The following NAALADL2 variants were observed in gnomAD, a reference collection of about 807,000 sequenced individuals.
The protein encoded by NAALADL2 is inactive N-acetylated-alpha-linked acidic dipeptidase-like protein 2.
A neutral mutation model predicts 87.2 loss-of-function variants in NAALADL2; 76 were observed. That is an observed-to-expected ratio of 0.87 (90% CI 0.72 to 1.05). NAALADL2 has a LOEUF of 1.05. NAALADL2 is among the 50% of genes least tolerant of loss of function. The pLI, the probability that NAALADL2 is intolerant of heterozygous loss-of-function variation, is 0.00. For missense variants in NAALADL2, 1,089 were observed against 945.8 expected (o/e 1.15, Z -1.99); for synonymous variants, 354 against 331.0 (o/e 1.07, Z -0.75).
chr3:174,917,747 C>CT (rs1734604205), intron 1 of NAALADL2, among the ~76,000 whole-genome samples: 3 of 143,746 alleles, frequency 2.1e-5, no homozygotes, highest in Non-Finnish European at 4.6e-5. Flanking sequence ...TTTTTTTTGT[C>CT]TTTTTTGAGC....
intron 2 of NAALADL2, among the ~76,000 whole-genome samples, chr3:175,141,080 G>C (rs1729922999): frequency 6.6e-6 from 1 of 152,090 alleles, no homozygotes; most frequent in Non-Finnish European, 1.5e-5. Flanking sequence ...TGGTAGATAT[G>C]GATGTACACC....
chr3:175,137,992 T>G (rs902675083), intron 2 of NAALADL2, among the ~76,000 whole-genome samples: 1 of 152,186 alleles, frequency 6.6e-6, no homozygotes, highest in African/African-American at 2.4e-5. Context: ...AAGAATGTTT[T>G]ACCACTTAAT....
intron 1 of NAALADL2, among the ~76,000 whole-genome samples, chr3:175,031,428 G>T (rs904433185): frequency 6.6e-6 from 1 of 152,038 alleles, no homozygotes; most frequent in Admixed American, 6.6e-5. Context: ...TTGCATCCAT[G>T]CTGCTGCAGA....
intron 10 of NAALADL2, among the ~76,000 whole-genome samples, chr3:175,596,410 A>G (rs1408136944): frequency 6.6e-6 from 1 of 151,988 alleles, no homozygotes; most frequent in Non-Finnish European, 1.5e-5. Context: ...ATTTGCAACC[A>G]TAGACTCTCA....
intron 3 of NAALADL2, among the ~76,000 whole-genome samples, chr3:174,834,006 C>T (rs1723039081): frequency 6.6e-6 from 1 of 150,614 alleles, no homozygotes; most frequent in Non-Finnish European, 1.5e-5. Context: ...AAAATGTCTA[C>T]TCTCTCAATT....
intron 2 of NAALADL2, among the ~76,000 whole-genome samples, chr3:175,118,285 G>A (rs373076368): frequency 6.6e-6 from 1 of 151,650 alleles, no homozygotes; most frequent in Admixed American, 6.6e-5. Context: ...TCATCATTCT[G>A]AATAGCTCAA....
At chr3:175,231,853 C>A (rs566597599) in intron 2 of NAALADL2, among the ~76,000 whole-genome samples, 53 of 152,064 alleles carry the variant, frequency 3.5e-4, no homozygotes, top group Non-Finnish European at 6.2e-4. Context: ...TTGTAAATGA[C>A]TTTCCTGTCA....
chr3:175,755,406 C>G lies in NAALADL2; in HGVS notation c.2177C>G (p.Pro726Arg), dbSNP rs919752585. 2 of 1,596,094 alleles carry G rather than the reference C, an allele frequency of 1.3e-6. No individual in the cohort carries two copies. The highest frequency in any genetic ancestry group is 1.7e-6 in the Non-Finnish European group (2 of 1,170,262). The change falls in exon 13 of 14, where the codon CCA (proline) becomes CGA (arginine). Residue 726 changes from proline (P) to arginine (R), a missense_variant. By Grantham distance (103) the Pro-to-Arg change is moderately radical. Coordinates refer to ENST00000454872, the MANE Select transcript of NAALADL2 (RefSeq NM_207015.3). ...AGCTTTCTGGTAAAGCAGGCACCAC[C>G]AGGTTTTTATAGGTAGGATGCATGT... ...EKSFLVKQAP[P>R]GFYRNILYHL... is the part of the protein sequence containing the mutation.
intron 4 of NAALADL2, 170 bp downstream of exon 4, chr3:175,256,700 C>T: frequency 2.1e-6 from 1 of 471,482 alleles, no homozygotes; most frequent in Non-Finnish European, 3.6e-6. Flanking sequence ...GGCTTTTCCA[C>T]ATTAGAACAT....
intron 3 of NAALADL2, among the ~76,000 whole-genome samples, chr3:175,236,980 G>T (rs1396698628): frequency 6.6e-6 from 1 of 152,096 alleles, no homozygotes; most frequent in African/African-American, 2.4e-5. Flanking sequence ...CGTTCAAGTA[G>T]TGTGTAAGAG....
At chr3:175,307,747 G>A (rs1757891163) in intron 4 of NAALADL2, among the ~76,000 whole-genome samples, 1 of 152,104 alleles carries the variant, frequency 6.6e-6, no homozygotes, top group Non-Finnish European at 1.5e-5. Flanking sequence ...GCAAGATCTA[G>A]CAACAAAGTA....
chr3:174,783,275 T>G (rs1716214872), intron 3 of NAALADL2, among the ~76,000 whole-genome samples: 1 of 152,156 alleles, frequency 6.6e-6, no homozygotes, highest in Admixed American at 6.6e-5. Context: ...TTAGTAGAGT[T>G]TATTAAATGA....
intron 13 of NAALADL2, among the ~76,000 whole-genome samples, chr3:175,795,674 C>G (rs9842383): frequency 0.025 from 3,789 of 148,944 alleles, 167 homozygotes; most frequent in African/African-American, 0.092. Flanking sequence ...CATAGCGAGA[C>G]TCTGTCTCAA....
intron 2 of NAALADL2, among the ~76,000 whole-genome samples, chr3:174,725,933 AG>A (rs1426015427): frequency 7.9e-5 from 12 of 152,302 alleles, no homozygotes; most frequent in African/African-American, 2.9e-4. Flanking sequence ...GTTTGAATAA[AG>A]GAGCAAGTGA....
chr3:174,441,100 T>G (rs1202968299), intron 1 of NAALADL2: 1 of 152,138 alleles, frequency 6.6e-6, no homozygotes, highest in Non-Finnish European at 1.5e-5. Flanking sequence ...CGGCGCGGCC[T>G]CGGCCGAGCG....
intron 3 of NAALADL2, among the ~76,000 whole-genome samples, chr3:175,242,019 G>A (rs938951695): frequency 1.2e-4 from 18 of 151,500 alleles, no homozygotes; most frequent in African/African-American, 4.4e-4. Flanking sequence ...GCGCCCCCAT[G>A]CCCAGCAAAT....
intron 1 of NAALADL2, among the ~76,000 whole-genome samples, chr3:174,465,838 A>G (rs1274434106): frequency 2.6e-5 from 4 of 151,990 alleles, no homozygotes; most frequent in African/African-American, 9.7e-5. Flanking sequence ...AAAGTTTCTA[A>G]TACCTCCATT....
chr3:175,149,724 C>T lies in NAALADL2; in HGVS notation c.545+52433C>T, dbSNP rs190979798. Among the ~76,000 whole-genome samples, 131 of 152,224 alleles carry T rather than the reference C, an allele frequency of 8.6e-4. No homozygotes were observed. The East Asian group carries it at 0.018, about 21-fold the overall frequency. On this transcript the variant is annotated intron_variant, in intron 2 of 13. Coordinates refer to ENST00000454872, the MANE Select transcript of NAALADL2 (RefSeq NM_207015.3). ...ACTTAAAACATAGTTATAAAAATGT[C>T]TATCAGTAGCACCAAAGTGGTGGCT...
At chr3:175,531,078 T>C (rs1211360399) in intron 9 of NAALADL2, among the ~76,000 whole-genome samples, 1 of 152,112 alleles carries the variant, frequency 6.6e-6, no homozygotes, top group East Asian at 1.9e-4. Context: ...CAAGCACCAT[T>C]GGATCTGCTG....
Sources: gnomAD v4.1 joint callset for allele counts (sites outside exome capture counted in the v4.1 genomes callset) on GRCh38, gnomAD v4.1.1 for gene constraint, MANE v1.5 for transcripts, NCBI Gene and HGNC (gene_info 2026-07-23, HGNC 2026-07-21) for gene names.